Variants in PARD3 observed in about 807,000 individuals in gnomAD.
The protein encoded by PARD3 is par-3 family cell polarity regulator.
PARD3 carries 75 observed loss-of-function variants against 155.4 expected under a neutral mutation model. The ratio of observed to expected loss-of-function variants is 0.48; its 90% CI spans 0.40 to 0.58. The LOEUF (loss-of-function observed/expected upper bound fraction) is 0.58, where lower values mean the gene tolerates loss of function less well. Among genes scored for constraint, PARD3 ranks in the 20% least tolerant of loss-of-function variants. The pLI, the probability that PARD3 is intolerant of heterozygous loss-of-function variation, is 0.00. For synonymous variants in PARD3, 576 were observed against 610.5 expected, an observed-to-expected ratio of 0.94 and a Z score of 0.83; for missense variants, 1,642 against 1,721.7, an observed-to-expected ratio of 0.95 and a Z score of 0.82.
At chr10:34,623,979 C>CAAA (rs767945506) in intron 2 of PARD3, among the ~76,000 whole-genome samples, 3 of 120,396 alleles carry the variant, frequency 2.5e-5, no homozygotes, top group South Asian at 2.7e-4. Context: ...GACTCCGTCT[C>CAAA]AAAAAAAAAA....
intron 1 of PARD3, among the ~76,000 whole-genome samples, chr10:34,781,588 T>C (rs1479402842): frequency 1.3e-5 from 2 of 152,242 alleles, no homozygotes; most frequent in Non-Finnish European, 2.9e-5. Context: ...GATCTGATTC[T>C]CTAAATATAC....
chr10:34,467,073 T>TGC (rs1434919797), intron 4 of PARD3, among the ~76,000 whole-genome samples: 1 of 152,042 alleles, frequency 6.6e-6, no homozygotes, highest in African/African-American at 2.4e-5. Flanking sequence ...GTAAAAAGAT[T>TGC]GCTGAATATT....
intron 2 of PARD3, among the ~76,000 whole-genome samples, chr10:34,666,796 A>AT (rs1554804562): frequency 3.0e-5 from 2 of 66,962 alleles, no homozygotes; most frequent in African/African-American, 1.2e-4. Flanking sequence ...AAAAAAAAAA[A>AT]ATATATATAT....
chr10:34,265,236 A>G (rs1021600872), intron 22 of PARD3, among the ~76,000 whole-genome samples: 2 of 152,236 alleles, frequency 1.3e-5, no homozygotes, highest in Non-Finnish European at 2.9e-5. Flanking sequence ...TCAAACAGAC[A>G]TGGGACTATT....
At chr10:34,306,764 C>G (rs547673033) in intron 20 of PARD3, among the ~76,000 whole-genome samples, 49 of 152,282 alleles carry the variant, frequency 3.2e-4, no homozygotes, top group African/African-American at 1.2e-3. Flanking sequence ...AAGGCAGAGA[C>G]GGCAGTGACA....
At chr10:34,129,206 G>A (rs1947457519) in intron 23 of PARD3, among the ~76,000 whole-genome samples, 1 of 152,246 alleles carries the variant, frequency 6.6e-6, no homozygotes, top group South Asian at 2.1e-4. Flanking sequence ...AGGCTGGAGG[G>A]CAGTGGTGCA....
chr10:34,158,720 C>G (rs1381259861), intron 22 of PARD3, among the ~76,000 whole-genome samples: 2 of 152,228 alleles, frequency 1.3e-5, no homozygotes, highest in Non-Finnish European at 2.9e-5. Context: ...TCACTAGTTA[C>G]TGTGGTTACC....
intron 5 of PARD3, among the ~76,000 whole-genome samples, chr10:34,449,419 T>TA (rs567564128): frequency 0.034 from 3,697 of 108,330 alleles, 171 homozygotes; most frequent in African/African-American, 0.12. Context: ...ACTGAAGCAT[T>TA]AAAAAAAAAA....
At chr10:34,689,705 T>A (rs975185326) in intron 2 of PARD3, among the ~76,000 whole-genome samples, 12 of 152,220 alleles carry the variant, frequency 7.9e-5, no homozygotes, top group African/African-American at 2.7e-4. Flanking sequence ...TATTATCAAA[T>A]TCGCAGAAGG....
intron 5 of PARD3, among the ~76,000 whole-genome samples, chr10:34,429,864 C>T (rs1045954010): frequency 2.0e-5 from 3 of 152,136 alleles, no homozygotes; most frequent in African/African-American, 4.8e-5. Context: ...GGATTACAGG[C>T]GTGAGCCACT....
At chr10:34,697,463 C>A (rs903067760) in intron 1 of PARD3, among the ~76,000 whole-genome samples, 5 of 152,142 alleles carry the variant, frequency 3.3e-5, no homozygotes, top group African/African-American at 1.2e-4. Context: ...GATCTACTGA[C>A]TAAGACCCTG....
At chr10:34,163,587 TA>T (rs1277751365) in intron 22 of PARD3, among the ~76,000 whole-genome samples, 2 of 152,204 alleles carry the variant, frequency 1.3e-5, no homozygotes, top group African/African-American at 4.8e-5. Flanking sequence ...ACTTTTTCTA[TA>T]AAGGCCCTAA....
At chr10:34,662,871 G>GAAAAAAAAAAAAAA (rs568672135) in intron 2 of PARD3, among the ~76,000 whole-genome samples, 5 of 123,630 alleles carry the variant, frequency 4.0e-5, no homozygotes, top group African/African-American at 1.5e-4. Context: ...AACTGTCTCA[G>GAAAAAAAAAAAAAA]AAAAAAAAAA....
chr10:34,478,038 AT>A (rs2133163542), intron 3 of PARD3, among the ~76,000 whole-genome samples: 1 of 152,342 alleles, frequency 6.6e-6, no homozygotes, highest in Admixed American at 6.5e-5. Context: ...TCCATACTTC[AT>A]TTATTTCCTA....
intron 2 of PARD3, among the ~76,000 whole-genome samples, chr10:34,596,463 A>G (rs971373574): frequency 7.2e-5 from 11 of 152,162 alleles, no homozygotes; most frequent in Non-Finnish European, 1.3e-4. Context: ...GGCGGAAGGC[A>G]CCTCTTCACA....
chr10:34,579,554 C>CTCTCTGTGTG (rs1554775574), intron 2 of PARD3, among the ~76,000 whole-genome samples: 9 of 122,574 alleles, frequency 7.3e-5, no homozygotes, highest in South Asian at 5.8e-4. Flanking sequence ...ACCATTTTCT[C>CTCTCTGTGTG]TGTGTGTGTG....
intron 23 of PARD3, among the ~76,000 whole-genome samples, chr10:34,128,942 A>C (rs921424785): frequency 6.6e-6 from 1 of 152,164 alleles, no homozygotes; most frequent in African/African-American, 2.4e-5. Flanking sequence ...GCAGGGACCA[A>C]GAATATGTAT....
At chr10:34,401,237 T>C (rs1015337884) in intron 6 of PARD3, among the ~76,000 whole-genome samples, 4 of 152,168 alleles carry the variant, frequency 2.6e-5, no homozygotes, top group African/African-American at 9.6e-5. Flanking sequence ...ATATTTAAAA[T>C]AATCAGAACA....
chr10:34,330,996 G>A (rs1835559241), intron 19 of PARD3, 121 bp downstream of exon 19: 2 of 680,194 alleles, frequency 2.9e-6, no homozygotes, highest in South Asian at 3.9e-5. Context: ...GAGATTATTA[G>A]ACCTCAGAGA....
Sources: gnomAD v4.1 joint callset for allele counts (sites outside exome capture counted in the v4.1 genomes callset) on GRCh38, gnomAD v4.1.1 for gene constraint, MANE v1.5 for transcripts, NCBI Gene and HGNC (gene_info 2026-07-23, HGNC 2026-07-21) for gene names.